Variants in ANKS1B observed in about 807,000 individuals in gnomAD.
ANKS1B encodes ankyrin repeat and sterile alpha motif domain containing 1B, also known as ankyrin repeat and sterile alpha motif domain-containing protein 1B.
A neutral mutation model predicts 148.3 loss-of-function variants in ANKS1B; 36 were observed. The ratio of observed to expected loss-of-function variants is 0.24; its 90% CI spans 0.19 to 0.32. The LOEUF is 0.32. ANKS1B is among the 10% of genes least tolerant of loss of function. ANKS1B has a pLI of 1.00. For missense variants in ANKS1B, 1,157 were observed against 1,542.6 expected (o/e 0.75, Z 4.19); for synonymous variants, 542 against 560.8 (o/e 0.97, Z 0.47).
intron 8 of ANKS1B, among the ~76,000 whole-genome samples, chr12:99,669,591 C>T (rs12230896): frequency 0.12 from 18,836 of 151,926 alleles, 1,767 homozygotes; most frequent in East Asian, 0.46. Context: ...TGATTGTTGG[C>T]CTTGTGTGAG....
At chr12:99,648,445 C>A (rs745698238) in intron 9 of ANKS1B, 6 of 1,614,038 alleles carry the variant, frequency 3.7e-6, no homozygotes, top group Non-Finnish European at 5.1e-6. Context: ...GCTGGCCCGA[C>A]CAGCTGCTGT....
At chr12:98,840,059 A>G (rs1016981194) in intron 17 of ANKS1B, among the ~76,000 whole-genome samples, 2 of 152,196 alleles carry the variant, frequency 1.3e-5, no homozygotes, top group Non-Finnish European at 2.9e-5. Flanking sequence ...TAAGATCTCA[A>G]CTCAAACCCC....
intron 11 of ANKS1B, among the ~76,000 whole-genome samples, chr12:99,409,177 A>C (rs2094606141): frequency 6.6e-6 from 1 of 152,252 alleles, no homozygotes; most frequent in Non-Finnish European, 1.5e-5. Flanking sequence ...ATAAAAAAGA[A>C]TGAGATCCTG....
At chr12:98,846,948 T>A (rs2099479028) in intron 17 of ANKS1B, among the ~76,000 whole-genome samples, 1 of 152,244 alleles carries the variant, frequency 6.6e-6, no homozygotes, top group African/African-American at 2.4e-5. Context: ...TATTCCAGTA[T>A]GACTGACATG....
chr12:99,817,489 T>G (rs2082017727), intron 2 of ANKS1B, among the ~76,000 whole-genome samples: 2 of 134,552 alleles, frequency 1.5e-5, no homozygotes, highest in East Asian at 2.2e-4. Flanking sequence ...CAGATATCAC[T>G]TTGATACCCT....
chr12:99,852,285 A>C (rs188219634), intron 1 of ANKS1B, among the ~76,000 whole-genome samples: 41 of 150,126 alleles, frequency 2.7e-4, no homozygotes, highest in Middle Eastern at 3.5e-3. Context: ...TTAATTACCA[A>C]ATCTAAGCTC....
At chr12:99,235,562 G>A (rs1479504536) in intron 14 of ANKS1B, among the ~76,000 whole-genome samples, 1 of 152,184 alleles carries the variant, frequency 6.6e-6, no homozygotes, top group Non-Finnish European at 1.5e-5. Flanking sequence ...GGCAACATAT[G>A]TTGCTAGGCT....
At chr12:99,580,418 T>C (rs2097559294) in intron 9 of ANKS1B, among the ~76,000 whole-genome samples, 1 of 152,002 alleles carries the variant, frequency 6.6e-6, no homozygotes, top group African/African-American at 2.4e-5. Flanking sequence ...ATATGACCTA[T>C]TAGGGATAAA....
intron 15 of ANKS1B, among the ~76,000 whole-genome samples, chr12:99,132,481 C>CAA (rs201298152): frequency 3.1e-5 from 4 of 129,464 alleles, no homozygotes; most frequent in East Asian, 2.3e-4. Flanking sequence ...TCCCCGCCTT[C>CAA]AAAAAAAAAA....
At position 99,404,067 on chromosome 12, in the gene ANKS1B, A is replaced by T. The variant is rs183501533; in HGVS notation, c.1576-4256T>A. Reference sequence around the variant, plus strand: ...CCGAGGCTATTATCCTTAGCAAACTAACACAAGAACAGAAAACCAAATATT... The same window carrying T: ...CCGAGGCTATTATCCTTAGCAAACTTACACAAGAACAGAAAACCAAATATT... On this transcript the variant is annotated intron_variant, in intron 11 of 26. Coordinates refer to ENST00000683438, the MANE Select transcript of ANKS1B (RefSeq NM_001352186.2). 9.9e-4 allele frequency among the ~76,000 whole-genome samples: 145 copies of T among 146,528 alleles called. 23 individuals carry two copies. The highest frequency in any genetic ancestry group is 3.5e-3 in the African/African-American group (134 of 38,596).
At chr12:98,872,938 T>C (rs4140777) in intron 17 of ANKS1B, among the ~76,000 whole-genome samples, 4,193 of 152,298 alleles carry the variant, frequency 0.028, 128 homozygotes, top group East Asian at 0.12. Context: ...CAACTTTTAG[T>C]TTCTCCTTGA....
At chr12:99,263,217 A>G (rs896840704) in intron 12 of ANKS1B, among the ~76,000 whole-genome samples, 5 of 152,004 alleles carry the variant, frequency 3.3e-5, no homozygotes, top group Non-Finnish European at 7.4e-5. Context: ...CTGTTAAATC[A>G]TTTGCAGTTC....
At chr12:99,375,006 T>C (rs1205262819) in intron 12 of ANKS1B, among the ~76,000 whole-genome samples, 1 of 152,178 alleles carries the variant, frequency 6.6e-6, no homozygotes, top group Non-Finnish European at 1.5e-5. Context: ...TGGGACACAT[T>C]CTGTTTTCTA....
intron 9 of ANKS1B, among the ~76,000 whole-genome samples, chr12:99,565,152 C>T (rs1435205988): frequency 6.6e-6 from 1 of 152,130 alleles, no homozygotes; most frequent in Admixed American, 6.6e-5. Flanking sequence ...CTAATTCAGT[C>T]TAATAAAGGT....
At chr12:99,598,886 T>C (rs2097778346) in intron 9 of ANKS1B, among the ~76,000 whole-genome samples, 1 of 151,904 alleles carries the variant, frequency 6.6e-6, no homozygotes, top group South Asian at 2.1e-4. Context: ...GATGCCAGAG[T>C]CTGAAATCAA....
intron 10 of ANKS1B, among the ~76,000 whole-genome samples, chr12:99,471,705 C>T (rs1463246187): frequency 1.3e-5 from 2 of 151,902 alleles, no homozygotes; most frequent in Non-Finnish European, 2.9e-5. Context: ...GAAGTGTTTA[C>T]TCTTTGGTCT....
intron 12 of ANKS1B, among the ~76,000 whole-genome samples, chr12:99,315,959 T>C (rs879712098): frequency 2.6e-5 from 4 of 152,188 alleles, no homozygotes; most frequent in Admixed American, 2.6e-4. Flanking sequence ...CTCAGAATGA[T>C]AGTTTCCAGC....
At chr12:99,052,760 A>G (rs1459482660) in intron 17 of ANKS1B, among the ~76,000 whole-genome samples, 33 of 148,736 alleles carry the variant, frequency 2.2e-4, no homozygotes, top group Admixed American at 7.4e-4. Flanking sequence ...AAAAAAAAAG[A>G]AATAGAGACA....
At chr12:99,291,760 C>T (rs1185713276) in intron 12 of ANKS1B, among the ~76,000 whole-genome samples, 1 of 152,098 alleles carries the variant, frequency 6.6e-6, no homozygotes, top group Admixed American at 6.6e-5. Flanking sequence ...TCAAACTATA[C>T]TACAAGGCTA....
Sources: allele counts gnomAD v4.1 joint callset (sites outside exome capture counted in the v4.1 genomes callset), GRCh38; gene constraint gnomAD v4.1.1; transcripts MANE v1.5; gene names NCBI Gene and HGNC (gene_info 2026-07-23, HGNC 2026-07-21).